SDK1: variants seen among roughly 807,000 people sequenced by gnomAD.
SDK1 encodes protein sidekick-1.
SDK1 carries 157 observed loss-of-function variants against 245.5 expected under a neutral mutation model. The observed-to-expected ratio is 0.64, with a 90% CI of 0.56 to 0.73. The LOEUF is 0.73. Ranked by LOEUF, SDK1 falls within the 30% of genes least tolerant of loss-of-function variation. The pLI is 0.00. For missense variants in SDK1, 3,583 were observed against 3,002.3 expected, an observed-to-expected ratio of 1.19 and a Z score of -4.52; for synonymous variants, 1,647 against 1,278.5, an observed-to-expected ratio of 1.29 and a Z score of -6.15.
At chr7:4,115,092 C>G (rs1003088142) in intron 25 of SDK1, among the ~76,000 whole-genome samples, 4 of 152,190 alleles carry the variant, frequency 2.6e-5, no homozygotes, top group Admixed American at 2.0e-4. Context: ...TCTTGCCCCC[C>G]TCCTTAAATT....
In SDK1 at chr7:4,245,720, A is replaced by G. The variant is rs1396011440; in HGVS notation, c.6296A>G (p.Glu2099Gly). 6.2e-7 allele frequency: 1 copy of G among 1,613,980 alleles called. No homozygotes were observed. The highest frequency in any genetic ancestry group is 8.5e-7 in the Non-Finnish European group (1 of 1,180,008). ...CCCGGCGGCCTGCACTACTCAGACGAGGACATCTGCAACAAGTACAACGGC... is the reference window on the plus strand; with the variant it reads ...CCCGGCGGCCTGCACTACTCAGACGGGGACATCTGCAACAAGTACAACGGC... Reference protein sequence around the residue: ...PSPGGLHYSDEDICNKYNGAV... With the variant: ...PSPGGLHYSDGDICNKYNGAV... The change falls in exon 44 of 45, where the codon GAG becomes GGG. Residue 2099 changes from glutamate to glycine, a missense_variant. Physicochemically the swap from Glu to Gly is moderately conservative, Grantham distance 98. Coordinates refer to ENST00000404826, the MANE Select transcript of SDK1 (RefSeq NM_152744.4).
chr7:3,541,555 G>C (rs1779053271), intron 1 of SDK1, among the ~76,000 whole-genome samples: 1 of 152,152 alleles, frequency 6.6e-6, no homozygotes, highest in Non-Finnish European at 1.5e-5. Flanking sequence ...AGATCCCTAA[G>C]ACCTTCTTAC....
rs111597792 is a variant in SDK1 at position 3,612,715 on chromosome 7, C to T, written c.299-6365C>T. On this transcript the variant is annotated intron_variant, in intron 1 of 44. Coordinates refer to ENST00000404826, the MANE Select transcript of SDK1 (RefSeq NM_152744.4). ...TAGTGGTTTAAACTGAAAGATTAGTCGCCCTGGGAAATTCAGCTGTGGCAA... is the reference window on the plus strand; with the variant it reads ...TAGTGGTTTAAACTGAAAGATTAGTTGCCCTGGGAAATTCAGCTGTGGCAA... Among the ~76,000 whole-genome samples the T allele has an allele frequency of 6.5e-3, 991 of 152,216 alleles. 17 individuals are homozygous for T. The highest frequency in any genetic ancestry group is 0.022 in the African/African-American group (926 of 41,508).
chr7:3,559,597 C>A lies in SDK1; in HGVS notation c.299-59483C>A, dbSNP rs138932131. Among the ~76,000 whole-genome samples the A allele has an allele frequency of 1.1e-4, 16 of 152,208 alleles. No homozygotes were observed. In the East Asian group the frequency reaches 2.7e-3, roughly 26 times the overall value. On this transcript the variant is annotated intron_variant, in intron 1 of 44. Coordinates refer to ENST00000404826, the MANE Select transcript of SDK1 (RefSeq NM_152744.4). ...TTTCTGATTCACCACCAGTGTCTTGCAAGAGCTTTCACTTTATCTGCCTGC... is the reference window on the plus strand; with the variant it reads ...TTTCTGATTCACCACCAGTGTCTTGAAAGAGCTTTCACTTTATCTGCCTGC...
intron 40 of SDK1, among the ~76,000 whole-genome samples, chr7:4,232,392 C>CTTTTTT (rs1178308855): frequency 1.2e-5 from 1 of 81,786 alleles, no homozygotes. Flanking sequence ...TTCTTTTTTT[C>CTTTTTT]TTTTCTTTTC....
At chr7:4,125,011 T>C (rs1299337770) in intron 25 of SDK1, among the ~76,000 whole-genome samples, 3 of 149,064 alleles carry the variant, frequency 2.0e-5, no homozygotes, top group Admixed American at 1.3e-4. Context: ...AGTGAATGGA[T>C]GGATGGGTAA....
intron 5 of SDK1, among the ~76,000 whole-genome samples, chr7:3,895,458 A>C (rs1247346991): frequency 1.3e-5 from 2 of 152,210 alleles, no homozygotes; most frequent in Non-Finnish European, 2.9e-5. Flanking sequence ...TTAGAATAAA[A>C]AGGGGGAAAT....
chr7:3,362,426 C>G (rs767480978), intron 1 of SDK1, among the ~76,000 whole-genome samples: 1 of 152,014 alleles, frequency 6.6e-6, no homozygotes, highest in African/African-American at 2.4e-5. Flanking sequence ...TGTGTTTGAT[C>G]ATAAATATAT....
chr7:3,974,699 G>C (rs994088969), intron 13 of SDK1, 154 bp downstream of exon 13: 1 of 613,714 alleles, frequency 1.6e-6, no homozygotes, highest in Non-Finnish European at 2.7e-6. Context: ...TACATATATG[G>C]ACAAGGTTTT....
At chr7:3,648,651 G>C (rs758269259) in intron 4 of SDK1, among the ~76,000 whole-genome samples, 13 of 152,188 alleles carry the variant, frequency 8.5e-5, no homozygotes, top group Non-Finnish European at 1.6e-4. Flanking sequence ...ACAACTTAAT[G>C]CTCGAATGAA....
At chr7:3,921,631 C>A (rs1280815223) in intron 5 of SDK1, among the ~76,000 whole-genome samples, 1 of 152,026 alleles carries the variant, frequency 6.6e-6, no homozygotes, top group Admixed American at 6.6e-5. Flanking sequence ...CTAAAGGCGC[C>A]AAGAAGCTGA....
At chr7:4,055,888 A>T (rs1779165287) in intron 19 of SDK1, among the ~76,000 whole-genome samples, 1 of 152,092 alleles carries the variant, frequency 6.6e-6, no homozygotes, top group African/African-American at 2.4e-5. Flanking sequence ...TCTGTGACCC[A>T]TGAATTAATT....
intron 1 of SDK1, among the ~76,000 whole-genome samples, chr7:3,474,343 C>G (rs1306971052): frequency 6.6e-6 from 1 of 151,878 alleles, no homozygotes; most frequent in Non-Finnish European, 1.5e-5. Flanking sequence ...GTCCGCCTGC[C>G]TCAGCCTCCC....
intron 12 of SDK1, 71 bp downstream of exon 12, chr7:3,971,639 G>A (rs959389623): frequency 6.0e-6 from 7 of 1,157,788 alleles, no homozygotes; most frequent in Non-Finnish European, 7.6e-6. Context: ...AAGTTGAGAT[G>A]AGGAGGAAGA....
intron 1 of SDK1, among the ~76,000 whole-genome samples, chr7:3,563,245 A>T (rs1320924875): frequency 2.0e-5 from 3 of 152,222 alleles, no homozygotes; most frequent in Admixed American, 6.5e-5. Flanking sequence ...AATGGAAAAT[A>T]TGAAAAAAAG....
At chr7:3,796,296 A>G (rs188364836) in intron 4 of SDK1, among the ~76,000 whole-genome samples, 1 of 152,248 alleles carries the variant, frequency 6.6e-6, no homozygotes, top group African/African-American at 2.4e-5. Context: ...TGGTCAGAGG[A>G]AATGGAAGGG....
chr7:4,109,949 G>A (rs754361835), intron 22 of SDK1, among the ~76,000 whole-genome samples: 7 of 152,130 alleles, frequency 4.6e-5, no homozygotes, highest in South Asian at 2.1e-4. Flanking sequence ...GCAAAGACTC[G>A]GGAGAGGAAG....
chr7:3,739,570 C>A (rs897528673), intron 4 of SDK1, among the ~76,000 whole-genome samples: 1 of 152,010 alleles, frequency 6.6e-6, no homozygotes, highest in Non-Finnish European at 1.5e-5. Flanking sequence ...ACTGTTGAGT[C>A]CCTCCAGTGA....
In SDK1 at chr7:4,206,030, G is replaced by T. The variant is rs372483799; in HGVS notation, c.5214+36G>T. 1.7e-5 allele frequency: 24 copies of T among 1,374,372 alleles called. No homozygotes were observed. In the East Asian group the frequency reaches 5.1e-4, roughly 29 times the overall value. The allele number at this position is 1,374,372 out of a possible 1,614,324, so 85.1% of individuals were successfully genotyped here. On this transcript the variant is annotated intron_variant, in intron 36 of 44. Coordinates refer to ENST00000404826, the MANE Select transcript of SDK1 (RefSeq NM_152744.4). ...CCCGTGCGGTTGCCTCCCCTGGCTC[G>T]CTTGGGCACCCCTCGTTCACGTGGT...
Sources: gnomAD v4.1 joint callset for allele counts (sites outside exome capture counted in the v4.1 genomes callset) on GRCh38, gnomAD v4.1.1 for gene constraint, MANE v1.5 for transcripts, NCBI Gene and HGNC (gene_info 2026-07-23, HGNC 2026-07-21) for gene names.